FOXN3: variants seen among roughly 807,000 people sequenced by gnomAD.
FOXN3 encodes the protein forkhead box N3.
FOXN3 carries 7 observed loss-of-function variants against 38.4 expected under a neutral mutation model. That is an observed-to-expected ratio of 0.18 (90% confidence interval 0.10 to 0.34). The LOEUF is 0.34. Ranked by LOEUF, FOXN3 falls within the 10% of genes least tolerant of loss-of-function variation. The pLI is 1.00. For missense variants in FOXN3, 456 were observed against 613.4 expected, an observed-to-expected ratio of 0.74 and a Z score of 2.71; for synonymous variants, 230 against 242.2, an observed-to-expected ratio of 0.95 and a Z score of 0.47.
At chr14:89,469,322 G>C (rs1893045221) in intron 1 of FOXN3, among the ~76,000 whole-genome samples, 1 of 152,178 alleles carries the variant, frequency 6.6e-6, no homozygotes, top group Non-Finnish European at 1.5e-5. Context: ...GGCATACCCA[G>C]TTGGGTTAGG....
chr14:89,230,937 T>C (rs1018662707), intron 4 of FOXN3: 3 of 453,050 alleles, frequency 6.6e-6, no homozygotes, highest in African/African-American at 2.0e-5. Flanking sequence ...GCAGCAACCC[T>C]GTGATAAATC....
intron 2 of FOXN3, among the ~76,000 whole-genome samples, chr14:89,353,989 G>C (rs900146307): frequency 6.6e-6 from 1 of 151,784 alleles, no homozygotes; most frequent in Non-Finnish European, 1.5e-5. Context: ...TGGGTTTCAT[G>C]TAACAGTTTG....
Position 89,511,254 on chromosome 14 carries a change from T to C in FOXN3, c.-14-98764A>G, listed in dbSNP as rs375671815. Among the ~76,000 whole-genome samples the C allele has an allele frequency of 9.7e-3, 245 of 25,334 alleles. 72 individuals carry two copies. The highest frequency in any genetic ancestry group is 0.017 in the Non-Finnish European group (158 of 9,526). 16.6% of individuals were successfully genotyped at this position (25,334 alleles called of 152,430 possible). ...TTTCTTTCCTTTTCTTTCTTTTCTT[T>C]CTTTCTTTCTTTCTTTCTTTCTTTC... On this transcript the variant is annotated intron_variant, in intron 1 of 6. Transcript: ENST00000345097.
At chr14:89,558,120 C>A (rs1488937059) in intron 1 of FOXN3, among the ~76,000 whole-genome samples, 3 of 152,036 alleles carry the variant, frequency 2.0e-5, no homozygotes, top group African/African-American at 4.8e-5. Flanking sequence ...AATAGAGTAA[C>A]CTTATAGATG....
chr14:89,539,268 A>G (rs1281765542), intron 1 of FOXN3, among the ~76,000 whole-genome samples: 1 of 152,244 alleles, frequency 6.6e-6, no homozygotes, highest in Non-Finnish European at 1.5e-5. Context: ...ATGTAGTCAA[A>G]TGGAAATTTG....
chr14:89,360,716 T>TCCAGCACC (rs1889458674), intron 2 of FOXN3, among the ~76,000 whole-genome samples: 3 of 93,260 alleles, frequency 3.2e-5, no homozygotes, highest in African/African-American at 8.1e-5. Flanking sequence ...CCTCCAGCAC[T>TCCAGCACC]ACCTCCACCA....
At chr14:89,237,554 A>G (rs1424238585) in intron 4 of FOXN3, among the ~76,000 whole-genome samples, 1 of 152,222 alleles carries the variant, frequency 6.6e-6, no homozygotes, top group Non-Finnish European at 1.5e-5. Flanking sequence ...TGGTTGTGAT[A>G]TTGCACTACT....
Position 89,162,786 on chromosome 14 carries a change from C to T in FOXN3, c.1035G>A (p.Glu345=). ...SSSSSADDHY[E]FATKGSQEGS... ...CCTCCTGGCTCCCCTTGGTGGCAAA[C>T]TCATAGTGGTCGTCGGCTGAGGAGG... Residue 345 remains glutamate (E), a synonymous_variant, in exon 6 of 6, where the codon GAG becomes GAA. Coordinates refer to ENST00000557258, the MANE Select transcript of FOXN3 (RefSeq NM_005197.4). This position sits in a 1 kb window ranked among gnomAD's most constrained non-coding sequence, Gnocchi z 7.2. The T allele has an allele frequency of 6.2e-7, 1 of 1,613,174 alleles. No individual in the cohort carries two copies. The highest frequency in any genetic ancestry group is 8.5e-7 in the Non-Finnish European group (1 of 1,179,836).
At chr14:89,594,736 G>A (rs1226164146) in intron 1 of FOXN3, among the ~76,000 whole-genome samples, 1 of 151,828 alleles carries the variant, frequency 6.6e-6, no homozygotes, top group Admixed American at 6.6e-5. Flanking sequence ...CTTTATAATT[G>A]GTTCTTTTGG....
intron 4 of FOXN3, among the ~76,000 whole-genome samples, chr14:89,207,114 G>A (rs1025332142): frequency 6.6e-6 from 1 of 152,138 alleles, no homozygotes; most frequent in Non-Finnish European, 1.5e-5. Flanking sequence ...CCCACTACTT[G>A]GGAGGCTGAG....
At chr14:89,174,575 C>G (rs1269757604) in intron 5 of FOXN3, among the ~76,000 whole-genome samples, 1 of 152,150 alleles carries the variant, frequency 6.6e-6, no homozygotes, top group African/African-American at 2.4e-5. Context: ...TTTCTAGGTA[C>G]AACATGAAAA....
At chr14:89,198,412 A>T (rs1281106926) in intron 4 of FOXN3, among the ~76,000 whole-genome samples, 1 of 152,196 alleles carries the variant, frequency 6.6e-6, no homozygotes, top group East Asian at 1.9e-4. Flanking sequence ...CCCCATGGAT[A>T]CCGAGGGATG....
chr14:89,298,316 C>T (rs574612953), intron 3 of FOXN3, among the ~76,000 whole-genome samples: 3 of 151,820 alleles, frequency 2.0e-5, no homozygotes, highest in Non-Finnish European at 4.4e-5. Context: ...TTAATGAGTA[C>T]AGGGTTTCAG....
chr14:89,309,425 C>T (rs528797118), intron 3 of FOXN3, among the ~76,000 whole-genome samples: 2 of 152,220 alleles, frequency 1.3e-5, no homozygotes, highest in East Asian at 1.9e-4. Context: ...TTCCATGACA[C>T]GGGTGGCCTC....
intron 1 of FOXN3, among the ~76,000 whole-genome samples, chr14:89,451,282 TG>T (rs1341109213): frequency 1.3e-5 from 2 of 152,110 alleles, no homozygotes; most frequent in African/African-American, 4.8e-5. Context: ...AATCCAGCCT[TG>T]GGGGACATCC....
At chr14:89,278,441 T>C (rs1374133539) in intron 4 of FOXN3, among the ~76,000 whole-genome samples, 2 of 152,196 alleles carry the variant, frequency 1.3e-5, no homozygotes, top group Non-Finnish European at 2.9e-5. Context: ...TCCTGCATTA[T>C]TGAGTCCTGG....
At chr14:89,266,985 G>A (rs1031084377) in intron 4 of FOXN3, among the ~76,000 whole-genome samples, 1 of 152,184 alleles carries the variant, frequency 6.6e-6, no homozygotes, top group Admixed American at 6.5e-5. Flanking sequence ...AGCATGACAC[G>A]TGTGTATGTA....
intron 2 of FOXN3, among the ~76,000 whole-genome samples, chr14:89,381,532 C>CGA (rs1491416811): frequency 1.3e-5 from 1 of 75,938 alleles, no homozygotes; most frequent in African/African-American, 5.0e-5. Flanking sequence ...CCTCAAAAAG[C>CGA]AAAAAAAAAA....
At chr14:89,518,337 C>A (rs1187471115) in intron 1 of FOXN3, among the ~76,000 whole-genome samples, 1 of 152,174 alleles carries the variant, frequency 6.6e-6, no homozygotes, top group Non-Finnish European at 1.5e-5. Context: ...GATCAGCCCC[C>A]AAATCCCTTG....
Sources: allele counts gnomAD v4.1 joint callset (sites outside exome capture counted in the v4.1 genomes callset), GRCh38; gene constraint gnomAD v4.1.1; non-coding constraint Gnocchi (gnomAD v3.1); transcripts MANE v1.5; gene names NCBI Gene and HGNC (gene_info 2026-07-23, HGNC 2026-07-21).